Variants in SEPTIN7 observed in about 807,000 individuals in gnomAD.
SEPTIN7 encodes the protein septin 7.
Under a neutral mutation model 63.3 loss-of-function variants are expected in SEPTIN7, and 10 were observed. The ratio of observed to expected loss-of-function variants is 0.16; its 90% CI spans 0.10 to 0.27. SEPTIN7 has a LOEUF of 0.27. Among genes scored for constraint, SEPTIN7 ranks in the 10% least tolerant of loss-of-function variants. The pLI is 1.00. For missense variants in SEPTIN7, 310 were observed against 521.0 expected (o/e 0.59, Z 3.94); for synonymous variants, 131 against 165.3 (o/e 0.79, Z 1.59).
chr7:35,848,287 A>G lies in SEPTIN7; in HGVS notation c.170-15265A>G, dbSNP rs192150440. On this transcript the variant is annotated intron_variant, in intron 3 of 13. Transcript: ENST00000350320. ...ACAAGAATACTTGATTTTTTTTTTGAGATGGAGTCTCGCTCTGTCGCCCAG... is the reference window on the plus strand; with the variant it reads ...ACAAGAATACTTGATTTTTTTTTTGGGATGGAGTCTCGCTCTGTCGCCCAG... Among the ~76,000 whole-genome samples, 249 of 151,886 alleles carry G rather than the reference A, an allele frequency of 1.6e-3. 2 individuals carry two copies. Among genetic ancestry groups the G allele is most frequent in the African/African-American group, 5.8e-3 (241 of 41,452 alleles).
chr7:35,911,588 G>A (rs566621520), downstream of SEPTIN7, among the ~76,000 whole-genome samples: 3 of 152,286 alleles, frequency 2.0e-5, no homozygotes, highest in Admixed American at 6.5e-5. Context: ...GTGTGCCACG[G>A]CCACACTATG....
Position 35,831,505 on chromosome 7 carries a change from A to T in SEPTIN7, c.66+9A>T, listed in dbSNP as rs1226277802. 1 of 462,704 alleles carries T rather than the reference A, an allele frequency of 2.2e-6. No individual in the cohort carries two copies. Among genetic ancestry groups the T allele is most frequent in the Non-Finnish European group, 4.3e-6 (1 of 233,300 alleles). 28.7% of individuals were successfully genotyped at this position (462,704 alleles called of 1,614,324 possible). A position where few individuals can be genotyped will look rare whatever the true frequency, so the allele number is the denominator to read the frequency against. On this transcript the variant is annotated intron_variant, in intron 2 of 13. Transcript: ENST00000350320. ...TTCTTTACAAAGTAGCTGTGAGTAT[A>T]CTACATAATTTATAGAGTTTTTTTC...
intron 10 of SEPTIN7, among the ~76,000 whole-genome samples, chr7:35,888,100 G>A (rs1787382085): frequency 6.6e-6 from 1 of 152,164 alleles, no homozygotes; most frequent in Non-Finnish European, 1.5e-5. Flanking sequence ...GGATATGGGT[G>A]TTTCAGAAAT....
At chr7:35,840,053 G>T (rs1257035993) in intron 3 of SEPTIN7, among the ~76,000 whole-genome samples, 7 of 151,896 alleles carry the variant, frequency 4.6e-5, no homozygotes, top group Admixed American at 4.6e-4. Context: ...ACATTTTGTG[G>T]CTCTTGGCAC....
At chr7:35,832,177 C>A in intron 2 of SEPTIN7, 1 of 444,160 alleles carries the variant, frequency 2.3e-6, no homozygotes, top group Non-Finnish European at 4.5e-6. Context: ...CCTGGATAAA[C>A]CTGAAGATAA....
chr7:35,858,869 G>A (rs1469479295), intron 3 of SEPTIN7, among the ~76,000 whole-genome samples: 2 of 151,158 alleles, frequency 1.3e-5, no homozygotes, highest in African/African-American at 2.4e-5. Flanking sequence ...TAGTAGAGAC[G>A]GGGTTTTACC....
chr7:35,865,500 G>T (rs1220094277), intron 4 of SEPTIN7, among the ~76,000 whole-genome samples: 1 of 151,956 alleles, frequency 6.6e-6, no homozygotes, highest in Non-Finnish European at 1.5e-5. Flanking sequence ...ACTCCATTGT[G>T]TGAATGTATC....
chr7:35,881,326 T>C (rs1786863959), intron 7 of SEPTIN7, among the ~76,000 whole-genome samples: 2 of 151,910 alleles, frequency 1.3e-5, no homozygotes, highest in African/African-American at 4.8e-5. Context: ...TTTTTACTGA[T>C]AAAGGTAAAA....
At chr7:35,868,647 A>G (rs909247619) in intron 4 of SEPTIN7, among the ~76,000 whole-genome samples, 6 of 152,170 alleles carry the variant, frequency 3.9e-5, no homozygotes, top group Admixed American at 3.9e-4. Context: ...GAGTGAGTAT[A>G]GAGGACTCAG....
At chr7:35,850,567 A>G (rs1354682700) in intron 3 of SEPTIN7, among the ~76,000 whole-genome samples, 3 of 152,314 alleles carry the variant, frequency 2.0e-5, no homozygotes, top group South Asian at 2.1e-4. Flanking sequence ...GGCTCCTTGA[A>G]TCTACAGATA....
At chr7:35,845,635 C>G (rs1784621849) in intron 3 of SEPTIN7, among the ~76,000 whole-genome samples, 1 of 152,148 alleles carries the variant, frequency 6.6e-6, no homozygotes, top group Non-Finnish European at 1.5e-5. Flanking sequence ...CCTGTCTATT[C>G]TGTGCAGGTA....
At chr7:35,801,943 G>T (rs1788018819) in intron 1 of SEPTIN7, among the ~76,000 whole-genome samples, 1 of 152,192 alleles carries the variant, frequency 6.6e-6, no homozygotes, top group Admixed American at 6.5e-5. Flanking sequence ...CGGAAGGCCG[G>T]TGGATGGCGG....
chr7:35,843,269 G>A (rs1298997399), intron 3 of SEPTIN7, among the ~76,000 whole-genome samples: 2 of 152,286 alleles, frequency 1.3e-5, no homozygotes, highest in East Asian at 1.9e-4. Context: ...GATGTCTTAT[G>A]CAAGGCCATT....
At chr7:35,895,956 G>A (rs1562587703) in intron 11 of SEPTIN7, among the ~76,000 whole-genome samples, 6 of 152,076 alleles carry the variant, frequency 3.9e-5, no homozygotes, top group African/African-American at 1.4e-4. Flanking sequence ...AATTACAGGC[G>A]TGTGCCACCA....
intron 1 of SEPTIN7, among the ~76,000 whole-genome samples, chr7:35,819,646 T>C (rs773257283): frequency 2.1e-4 from 32 of 152,324 alleles, no homozygotes; most frequent in South Asian, 4.1e-4. Context: ...AAAATTGTTC[T>C]ATCTTCTCAA....
At chr7:35,914,799 T>A in the SEPTIN7 span, among the ~76,000 whole-genome samples, 1 of 152,012 alleles carries the variant, frequency 6.6e-6, no homozygotes, top group South Asian at 2.1e-4. Flanking sequence ...TCATTCTCTC[T>A]CTATATATGC....
At chr7:35,886,591 C>G (rs1263128393) in intron 10 of SEPTIN7, among the ~76,000 whole-genome samples, 1 of 152,204 alleles carries the variant, frequency 6.6e-6, no homozygotes, top group Non-Finnish European at 1.5e-5. Context: ...TCATTCCCCT[C>G]CCTACCTGAC....
chr7:35,845,809 G>A (rs1325279912), intron 3 of SEPTIN7, among the ~76,000 whole-genome samples: 1 of 151,974 alleles, frequency 6.6e-6, no homozygotes, highest in Non-Finnish European at 1.5e-5. Context: ...AGACTCTTAG[G>A]AATTGATTTT....
At chr7:35,856,517 C>G (rs1268493637) in intron 3 of SEPTIN7, among the ~76,000 whole-genome samples, 1 of 152,176 alleles carries the variant, frequency 6.6e-6, no homozygotes, top group East Asian at 1.9e-4. Flanking sequence ...GCCTTGTGTC[C>G]TCACTGCTCT....
Sources: allele counts gnomAD v4.1 joint callset (sites outside exome capture counted in the v4.1 genomes callset), GRCh38; gene constraint gnomAD v4.1.1; transcripts MANE v1.5; gene names NCBI Gene and HGNC (gene_info 2026-07-23, HGNC 2026-07-21).